PAK5: variants seen among roughly 807,000 people sequenced by gnomAD.
PAK5 encodes serine/threonine-protein kinase PAK 5.
In PAK5, 16 loss-of-function variants were observed where a neutral mutation model predicts 65.9. The observed-to-expected ratio is 0.24, with a 90% confidence interval of 0.16 to 0.37. The LOEUF (loss-of-function observed/expected upper bound fraction) is 0.37, where lower values mean the gene tolerates loss of function less well. Among genes scored for constraint, PAK5 ranks in the 10% least tolerant of loss-of-function variants. PAK5 has a pLI of 1.00. For synonymous variants in PAK5, 371 were observed against 354.9 expected, an observed-to-expected ratio of 1.05 and a Z score of -0.51; for missense variants, 785 against 903.9, an observed-to-expected ratio of 0.87 and a Z score of 1.69.
intron 2 of PAK5, among the ~76,000 whole-genome samples, chr20:9,678,167 T>C (rs896400169): frequency 6.6e-6 from 1 of 152,248 alleles, no homozygotes; most frequent in Non-Finnish European, 1.5e-5. Context: ...CTTGATCTCA[T>C]AGCTCCTTGG....
chr20:9,767,261 G>A (rs1396121076), intron 1 of PAK5, among the ~76,000 whole-genome samples: 1 of 152,176 alleles, frequency 6.6e-6, no homozygotes, highest in Non-Finnish European at 1.5e-5. Flanking sequence ...AGATCATAAA[G>A]GAGAATAATT....
At chr20:9,656,540 G>T (rs1166419584) in intron 2 of PAK5, among the ~76,000 whole-genome samples, 2 of 152,222 alleles carry the variant, frequency 1.3e-5, no homozygotes, top group East Asian at 3.9e-4. Context: ...AGTACTATAG[G>T]CAAGGTAGTG....
chr20:9,661,590 C>T (rs2047347914), intron 2 of PAK5, among the ~76,000 whole-genome samples: 1 of 152,090 alleles, frequency 6.6e-6, no homozygotes, highest in Admixed American at 6.5e-5. Flanking sequence ...TTTATTGCCC[C>T]TCAATAGAAT....
chr20:9,832,333 C>T (rs1259189490), intron 1 of PAK5, among the ~76,000 whole-genome samples: 1 of 151,974 alleles, frequency 6.6e-6, no homozygotes, highest in African/African-American at 2.4e-5. Flanking sequence ...AGTGCAGTAA[C>T]GCGATCTCGG....
chr20:9,716,534 CATT>C (rs2123503114), intron 1 of PAK5, among the ~76,000 whole-genome samples: 1 of 152,250 alleles, frequency 6.6e-6, no homozygotes, highest in Non-Finnish European at 1.5e-5. Flanking sequence ...TTGTTAGCAT[CATT>C]ATATTACATT....
At chr20:9,788,581 C>T (rs1162521332) in intron 1 of PAK5, among the ~76,000 whole-genome samples, 2 of 97,124 alleles carry the variant, frequency 2.1e-5, no homozygotes, top group East Asian at 6.0e-4. Context: ...CAGAGATACA[C>T]CTGGTTATCA....
chr20:9,766,199 C>T (rs537145949), intron 1 of PAK5, among the ~76,000 whole-genome samples: 3 of 139,298 alleles, frequency 2.2e-5, no homozygotes, highest in Non-Finnish European at 4.6e-5. Flanking sequence ...TCCAGCCTGG[C>T]GACAGAGCAA....
chr20:9,552,235 T>G (rs1403048500), intron 7 of PAK5, among the ~76,000 whole-genome samples: 1 of 152,222 alleles, frequency 6.6e-6, no homozygotes, highest in Non-Finnish European at 1.5e-5. Context: ...TCCATAAACT[T>G]ATTGGACTTA....
intron 1 of PAK5, among the ~76,000 whole-genome samples, chr20:9,779,672 A>T (rs1169497230): frequency 6.6e-6 from 1 of 151,962 alleles, no homozygotes; most frequent in Non-Finnish European, 1.5e-5. Context: ...CCTTCTAATT[A>T]TGTTTATACT....
At chr20:9,678,142 T>C (rs2047600013) in intron 2 of PAK5, among the ~76,000 whole-genome samples, 1 of 152,250 alleles carries the variant, frequency 6.6e-6, no homozygotes, top group Non-Finnish European at 1.5e-5. Context: ...TCTTTGGTTG[T>C]TCACAACCTT....
At chr20:9,829,646 C>T (rs574206228) in intron 1 of PAK5, among the ~76,000 whole-genome samples, 12 of 152,260 alleles carry the variant, frequency 7.9e-5, no homozygotes, top group African/African-American at 2.9e-4. Flanking sequence ...TGTTACCTTT[C>T]TAAAACAGTT....
chr20:9,559,744 A>G (rs1196355581), intron 6 of PAK5, among the ~76,000 whole-genome samples: 2 of 152,114 alleles, frequency 1.3e-5, no homozygotes, highest in African/African-American at 4.8e-5. Flanking sequence ...GCTAGGCGAC[A>G]GAGTGAGGCT....
chr20:9,745,282 A>T (rs2048493600), intron 1 of PAK5, among the ~76,000 whole-genome samples: 1 of 151,438 alleles, frequency 6.6e-6, no homozygotes, highest in South Asian at 2.1e-4. Context: ...TTTTAATGTC[A>T]TTTTTGCTGT....
intron 1 of PAK5, among the ~76,000 whole-genome samples, chr20:9,831,880 C>T (rs543553904): frequency 6.6e-6 from 1 of 152,156 alleles, no homozygotes; most frequent in South Asian, 2.1e-4. Context: ...CCAGAGATTG[C>T]CTAACTTTTT....
intron 2 of PAK5, among the ~76,000 whole-genome samples, chr20:9,697,220 T>G (rs1306486399): frequency 6.6e-6 from 1 of 152,092 alleles, no homozygotes; most frequent in Non-Finnish European, 1.5e-5. Context: ...AGATGTTTAG[T>G]TCACTGTTTT....
intron 2 of PAK5, among the ~76,000 whole-genome samples, chr20:9,691,544 T>C (rs1344053721): frequency 1.3e-5 from 2 of 152,196 alleles, no homozygotes; most frequent in African/African-American, 4.8e-5. Context: ...TTATTCCAGA[T>C]AGGCTCTTTT....
chr20:9,714,450 G>A (rs879785929), intron 1 of PAK5, among the ~76,000 whole-genome samples: 3 of 152,052 alleles, frequency 2.0e-5, no homozygotes, highest in African/African-American at 4.8e-5. Context: ...AGGTACAATG[G>A]AGAGATCACA....
At chr20:9,719,687 C>A (rs1484580782) in intron 1 of PAK5, among the ~76,000 whole-genome samples, 6 of 152,064 alleles carry the variant, frequency 3.9e-5, no homozygotes, top group Non-Finnish European at 4.4e-5. Context: ...ACTAGATGAC[C>A]CAGGTTCTAG....
intron 1 of PAK5, among the ~76,000 whole-genome samples, chr20:9,769,877 T>C (rs946703167): frequency 2.0e-5 from 3 of 152,234 alleles, no homozygotes; most frequent in African/African-American, 4.8e-5. Context: ...AAGGAGCTCT[T>C]TAAAAACTAA....
Sources: allele counts gnomAD v4.1 joint callset (sites outside exome capture counted in the v4.1 genomes callset), GRCh38; gene constraint gnomAD v4.1.1; transcripts MANE v1.5; gene names NCBI Gene and HGNC (gene_info 2026-07-23, HGNC 2026-07-21).